GRID1: variants seen among roughly 807,000 people sequenced by gnomAD.
GRID1 encodes glutamate ionotropic receptor delta type subunit 1.
In GRID1, 28 loss-of-function variants were observed where a neutral mutation model predicts 98.0. The ratio of observed to expected loss-of-function variants is 0.29; its 90% CI spans 0.21 to 0.39. GRID1 has a LOEUF of 0.39. Among genes scored for constraint, GRID1 ranks in the 10% least tolerant of loss-of-function variants. The pLI is 1.00. For missense variants in GRID1, 1,111 were observed against 1,340.5 expected (o/e 0.83, Z 2.67); for synonymous variants, 553 against 538.5 (o/e 1.03, Z -0.37).
Position 85,602,471 on chromosome 10 carries a change from T to C in GRID1, c.2832A>G (p.Ser944=). ...QSSHGTSRTL[S]SGPSSNLPLP... is the part of the protein sequence containing the mutation. ...GCGGCAGGTTGCTGCTGGGCCCTGA[T>C]GAGAGTGTCCGGCTGGTGCCATGGC... The change falls in exon 16 of 16, where the codon TCA becomes TCG. Residue 944 remains serine, a synonymous_variant. Transcript: ENST00000327946. 1 of 1,611,088 alleles carries C rather than the reference T, an allele frequency of 6.2e-7. No homozygotes were observed. The highest frequency in any genetic ancestry group is 8.5e-7 in the Non-Finnish European group (1 of 1,177,284).
At chr10:85,751,948 A>G (rs763294198) in intron 8 of GRID1, among the ~76,000 whole-genome samples, 5 of 152,182 alleles carry the variant, frequency 3.3e-5, no homozygotes, top group Non-Finnish European at 7.4e-5. Context: ...GTCAATGACT[A>G]GCTGAAAGTA....
chr10:85,650,597 T>C (rs1025654163), intron 12 of GRID1, among the ~76,000 whole-genome samples: 1 of 152,128 alleles, frequency 6.6e-6, no homozygotes, highest in South Asian at 2.1e-4. Flanking sequence ...GACCAAACAA[T>C]ATGAGATATA....
chr10:85,700,385 G>C (rs1341083506), intron 12 of GRID1, among the ~76,000 whole-genome samples: 1 of 152,174 alleles, frequency 6.6e-6, no homozygotes, highest in Non-Finnish European at 1.5e-5. Flanking sequence ...ACTATGCCTT[G>C]TTGTCTTTCT....
intron 3 of GRID1, among the ~76,000 whole-genome samples, chr10:86,193,582 C>T (rs558498035): frequency 6.6e-6 from 1 of 152,074 alleles, no homozygotes; most frequent in African/African-American, 2.4e-5. Context: ...GGGACAGAGG[C>T]AGCCCCTTCC....
intron 2 of GRID1, among the ~76,000 whole-genome samples, chr10:86,286,520 G>A (rs999717874): frequency 6.6e-6 from 1 of 152,212 alleles, no homozygotes. Flanking sequence ...GTGAGGCCAC[G>A]AGAAGCCAGG....
At chr10:85,740,503 C>T (rs962803025) in intron 8 of GRID1, among the ~76,000 whole-genome samples, 1 of 152,136 alleles carries the variant, frequency 6.6e-6, no homozygotes, top group Non-Finnish European at 1.5e-5. Flanking sequence ...TGGCAGGTGT[C>T]TCCCATTACA....
chr10:86,299,093 C>G (rs1231755118), intron 2 of GRID1, among the ~76,000 whole-genome samples: 1 of 152,108 alleles, frequency 6.6e-6, no homozygotes, highest in Non-Finnish European at 1.5e-5. Flanking sequence ...TATAGATGCC[C>G]TCACAAGCTC....
intron 3 of GRID1, among the ~76,000 whole-genome samples, chr10:86,139,660 T>C (rs1455136621): frequency 6.6e-6 from 1 of 152,192 alleles, no homozygotes; most frequent in Non-Finnish European, 1.5e-5. Context: ...GGAGTGACTC[T>C]CACTCCAAGT....
At chr10:86,039,815 T>C (rs1234997944) in intron 4 of GRID1, among the ~76,000 whole-genome samples, 3 of 152,236 alleles carry the variant, frequency 2.0e-5, no homozygotes, top group Non-Finnish European at 4.4e-5. Context: ...TAGAGACGTT[T>C]CTCTCTATCT....
At chr10:85,776,379 T>A (rs1394783848) in intron 8 of GRID1, among the ~76,000 whole-genome samples, 2 of 152,230 alleles carry the variant, frequency 1.3e-5, no homozygotes, top group Non-Finnish European at 2.9e-5. Context: ...AGACAATTGA[T>A]AGCAGAGAAA....
rs1194193991 is a variant in GRID1, at chr10:86,066,653, G to C, written c.726+72166C>G. Among the ~76,000 whole-genome samples, 3 of 152,320 alleles carry C rather than the reference G, an allele frequency of 2.0e-5. No individual in the cohort carries two copies. In the East Asian group the frequency reaches 5.8e-4, roughly 29 times the overall value. ...GGGTCCACAATACTCTTGCAGGTGT[G>C]ATGTGATATAATGTGATATGCTCAG... is the stretch of plus-strand genomic sequence containing the variant. On this transcript the variant is annotated intron_variant, in intron 4 of 15. Coordinates refer to ENST00000327946, the MANE Select transcript of GRID1 (RefSeq NM_017551.3).
At chr10:85,891,260 T>C (rs1246221686) in intron 5 of GRID1, among the ~76,000 whole-genome samples, 2 of 152,032 alleles carry the variant, frequency 1.3e-5, no homozygotes, top group African/African-American at 4.8e-5. Context: ...TCCTAAAAAA[T>C]TACCACAAAA....
At chr10:86,173,558 GTCT>G (rs1845525629) in intron 3 of GRID1, among the ~76,000 whole-genome samples, 1 of 140,898 alleles carries the variant, frequency 7.1e-6, no homozygotes, top group Admixed American at 7.5e-5. Flanking sequence ...TTCCTCCTCA[GTCT>G]TCTTTTCTTT....
At chr10:85,667,316 C>CACAGAG (rs1178027068) in intron 12 of GRID1, among the ~76,000 whole-genome samples, 58 of 148,898 alleles carry the variant, frequency 3.9e-4, no homozygotes, top group South Asian at 8.8e-4. Flanking sequence ...CACACACACA[C>CACAGAG]AGAGAGAGAG....
At chr10:85,667,537 C>T (rs1197704665) in intron 12 of GRID1, among the ~76,000 whole-genome samples, 2 of 152,170 alleles carry the variant, frequency 1.3e-5, no homozygotes, top group Non-Finnish European at 2.9e-5. Flanking sequence ...GAATCTGGAG[C>T]CCAGAAGGTT....
At chr10:85,869,977 T>G (rs1171355769) in intron 5 of GRID1, among the ~76,000 whole-genome samples, 6 of 152,168 alleles carry the variant, frequency 3.9e-5, no homozygotes. Flanking sequence ...AGGGCTTCCA[T>G]GAGGAATCTG....
intron 4 of GRID1, among the ~76,000 whole-genome samples, chr10:86,090,912 T>C (rs1419914119): frequency 6.6e-6 from 1 of 152,186 alleles, no homozygotes; most frequent in Non-Finnish European, 1.5e-5. Context: ...AGTTTCCGCC[T>C]TTACCTGGAG....
Position 86,366,258 on chromosome 10 carries a change from C to T in GRID1, c.79+56G>A, listed in dbSNP as rs1848676835. 1.7e-5 allele frequency: 22 copies of T among 1,284,146 alleles called. No homozygotes were observed. In the South Asian group the frequency reaches 2.7e-4, roughly 16 times the overall value. 79.5% of individuals were successfully genotyped at this position (1,284,146 alleles called of 1,614,324 possible). Reference sequence around the variant, plus strand: ...AACGCCAAGTTTGGACGCCGCGCACCCCCTGCCCCGTTGGGGCCCCCGCCC... The same window carrying T: ...AACGCCAAGTTTGGACGCCGCGCACTCCCTGCCCCGTTGGGGCCCCCGCCC... On this transcript the variant is annotated intron_variant, in intron 1 of 15. Transcript: ENST00000327946. The surrounding 1 kb of genome is among the most constrained non-coding windows in gnomAD (Gnocchi z 4.1).
chr10:86,316,432 TC>T (rs924405740), intron 2 of GRID1, among the ~76,000 whole-genome samples: 8 of 151,716 alleles, frequency 5.3e-5, no homozygotes, highest in African/African-American at 1.5e-4. Context: ...GATACAACAA[TC>T]CCCCCCATCA....
Sources: gnomAD v4.1 joint callset for allele counts (sites outside exome capture counted in the v4.1 genomes callset) on GRCh38, gnomAD v4.1.1 for gene constraint, Gnocchi (gnomAD v3.1) non-coding constraint, MANE v1.5 for transcripts, NCBI Gene and HGNC (gene_info 2026-07-23, HGNC 2026-07-21) for gene names.